ANTXR1: variants seen among roughly 807,000 people sequenced by gnomAD.
The protein encoded by ANTXR1 is ANTXR cell adhesion molecule 1, also known as anthrax toxin receptor 1.
ANTXR1 carries 19 observed loss-of-function variants against 78.1 expected under a neutral mutation model. That is an observed-to-expected ratio of 0.24 (90% CI 0.17 to 0.36). ANTXR1 has a LOEUF of 0.36. Ranked by LOEUF, ANTXR1 falls within the 10% of genes least tolerant of loss-of-function variation. The pLI, the probability that ANTXR1 is intolerant of heterozygous loss-of-function variation, is 1.00. For missense variants in ANTXR1, 518 were observed against 718.6 expected (o/e 0.72, Z 3.19); for synonymous variants, 273 against 260.5 (o/e 1.05, Z -0.46).
intron 1 of ANTXR1, among the ~76,000 whole-genome samples, chr2:69,032,386 C>G (rs763644724): frequency 4.6e-5 from 7 of 152,060 alleles, no homozygotes; most frequent in African/African-American, 1.2e-4. Context: ...ACCCACCCCC[C>G]CAAAATTTCC....
At chr2:69,150,145 C>T (rs918683029) in intron 12 of ANTXR1, among the ~76,000 whole-genome samples, 2 of 152,206 alleles carry the variant, frequency 1.3e-5, no homozygotes, top group Non-Finnish European at 2.9e-5. Context: ...CAAGTAAGAG[C>T]TGCCTTTAAA....
At chr2:69,228,615 G>T (rs1192220600) in intron 17 of ANTXR1, among the ~76,000 whole-genome samples, 2 of 152,216 alleles carry the variant, frequency 1.3e-5, no homozygotes, top group African/African-American at 4.8e-5. Context: ...AAAATGAGTT[G>T]ATGAATATAA....
At chr2:69,048,355 T>G (rs1282303800) in intron 3 of ANTXR1, among the ~76,000 whole-genome samples, 1 of 152,190 alleles carries the variant, frequency 6.6e-6, no homozygotes, top group East Asian at 1.9e-4. Context: ...TGTATACATT[T>G]GGTTATGATA....
chr2:69,218,363 A>AG (rs562878475), intron 17 of ANTXR1, among the ~76,000 whole-genome samples: 1 of 152,126 alleles, frequency 6.6e-6, no homozygotes, highest in Non-Finnish European at 1.5e-5. Context: ...CTGGAAAAAA[A>AG]GGGGGGGATG....
intron 17 of ANTXR1, among the ~76,000 whole-genome samples, chr2:69,234,604 A>G (rs1675705725): frequency 6.6e-6 from 1 of 152,032 alleles, no homozygotes; most frequent in African/African-American, 2.4e-5. Context: ...ACCCATCTCT[A>G]CTAAAAATAC....
At chr2:69,138,510 A>C (rs1672979113) in intron 12 of ANTXR1, among the ~76,000 whole-genome samples, 1 of 152,236 alleles carries the variant, frequency 6.6e-6, no homozygotes, top group Non-Finnish European at 1.5e-5. Context: ...TGTTCCCTAC[A>C]GAATGACAAG....
intron 17 of ANTXR1, among the ~76,000 whole-genome samples, chr2:69,241,832 C>G (rs1034936047): frequency 1.3e-5 from 2 of 152,156 alleles, no homozygotes; most frequent in Admixed American, 1.3e-4. Context: ...CATTAGACTA[C>G]TAAACACAAT....
intron 3 of ANTXR1, among the ~76,000 whole-genome samples, chr2:69,048,252 C>T (rs1669832798): frequency 6.6e-6 from 1 of 151,938 alleles, no homozygotes; most frequent in Non-Finnish European, 1.5e-5. Context: ...TGCAATTTTG[C>T]CTTTTGTTAA....
intron 2 of ANTXR1, among the ~76,000 whole-genome samples, chr2:69,044,182 A>G (rs960817090): frequency 6.6e-6 from 1 of 152,162 alleles, no homozygotes; most frequent in South Asian, 2.1e-4. Flanking sequence ...AGTGGAATAG[A>G]TATTCTTATG....
intron 17 of ANTXR1, among the ~76,000 whole-genome samples, chr2:69,204,627 C>T (rs1385563161): frequency 6.6e-6 from 1 of 152,126 alleles, no homozygotes; most frequent in African/African-American, 2.4e-5. Flanking sequence ...GACTGGAAAC[C>T]CACCAGCTCG....
chr2:69,137,794 A>AG (rs1471478054), intron 12 of ANTXR1, among the ~76,000 whole-genome samples: 1 of 151,662 alleles, frequency 6.6e-6, no homozygotes, highest in East Asian at 1.9e-4. Flanking sequence ...AAAAAAAAAA[A>AG]AAAAAAAACA....
rs1673418966 is a variant in ANTXR1 at position 69,152,287 on chromosome 2, C to T, written c.1047+23C>T. ...GTGGTAAGTGCCCCAAACCTCAGGC[C>T]ATGCAAGGTGAAGGGTGACATAAAG... On this transcript the variant is annotated intron_variant, in intron 13 of 17. Coordinates refer to ENST00000303714, the MANE Select transcript of ANTXR1 (RefSeq NM_032208.3). 17 of 1,609,212 alleles carry T rather than the reference C, an allele frequency of 1.1e-5. No individual in the cohort carries two copies. In the East Asian group the frequency reaches 2.5e-4, roughly 23 times the overall value.
At chr2:69,239,950 G>A (rs531639817) in intron 17 of ANTXR1, among the ~76,000 whole-genome samples, 2 of 152,114 alleles carry the variant, frequency 1.3e-5, no homozygotes, top group Non-Finnish European at 2.9e-5. Context: ...TAAAGCAATC[G>A]AAGGTAACCC....
intron 9 of ANTXR1, among the ~76,000 whole-genome samples, chr2:69,095,785 C>G (rs1671379969): frequency 6.6e-6 from 1 of 152,198 alleles, no homozygotes; most frequent in Non-Finnish European, 1.5e-5. Flanking sequence ...AGAAAACCTC[C>G]TCCGGGTCTC....
chr2:69,027,061 C>G (rs1671366266), intron 1 of ANTXR1, among the ~76,000 whole-genome samples: 2 of 152,266 alleles, frequency 1.3e-5, no homozygotes, highest in African/African-American at 4.8e-5. Flanking sequence ...TGAGGAGCCC[C>G]TAGAATAATC....
intron 13 of ANTXR1, among the ~76,000 whole-genome samples, chr2:69,163,005 AAAT>A (rs1673725240): frequency 6.6e-6 from 1 of 152,142 alleles, no homozygotes; most frequent in Admixed American, 6.5e-5. Flanking sequence ...TAACGCTAAA[AAAT>A]AATAAACTCA....
chr2:69,137,226 C>T (rs1266142730), intron 12 of ANTXR1, among the ~76,000 whole-genome samples: 2 of 152,080 alleles, frequency 1.3e-5, no homozygotes, highest in Non-Finnish European at 2.9e-5. Flanking sequence ...TCTGGTCTCT[C>T]GCTTCTTGAT....
chr2:69,130,104 T>C (rs917451206), intron 12 of ANTXR1, among the ~76,000 whole-genome samples: 7 of 151,952 alleles, frequency 4.6e-5, no homozygotes, highest in Non-Finnish European at 8.8e-5. Context: ...GCAACTATCT[T>C]TGTAGGATGT....
chr2:69,112,694 C>T (rs1184713556), intron 10 of ANTXR1, among the ~76,000 whole-genome samples: 2 of 152,184 alleles, frequency 1.3e-5, no homozygotes, highest in Non-Finnish European at 2.9e-5. Flanking sequence ...TAAGGCACCT[C>T]TCCTCATTCC....
Sources: allele counts gnomAD v4.1 joint callset (sites outside exome capture counted in the v4.1 genomes callset), GRCh38; gene constraint gnomAD v4.1.1; transcripts MANE v1.5; gene names NCBI Gene and HGNC (gene_info 2026-07-23, HGNC 2026-07-21).